The following ABCB1 variants were observed in gnomAD, a reference collection of about 807,000 sequenced individuals.
ABCB1 encodes ATP-dependent translocase ABCB1.
In ABCB1, 69 loss-of-function variants were observed where a neutral mutation model predicts 142.0. The ratio of observed to expected loss-of-function variants is 0.49; its 90% CI spans 0.40 to 0.59. The LOEUF (loss-of-function observed/expected upper bound fraction) is 0.59, where lower values mean the gene tolerates loss of function less well. ABCB1 is among the 20% of genes least tolerant of loss of function. ABCB1 has a pLI of 0.00. For synonymous variants in ABCB1, 532 were observed against 539.2 expected (o/e 0.99, Z 0.18); for missense variants, 1,326 against 1,554.7 (o/e 0.85, Z 2.47).
intron 1 of ABCB1, among the ~76,000 whole-genome samples, chr7:87,674,866 G>A (rs1306533936): frequency 2.6e-5 from 4 of 152,072 alleles, no homozygotes; most frequent in East Asian, 3.9e-4. Context: ...CAGGTCTGAC[G>A]GTCACCCTAA....
intron 22 of ABCB1, 147 bp from the exon 23 acceptor site, chr7:87,519,613 C>T (rs1256917062): frequency 2.3e-6 from 2 of 882,716 alleles, no homozygotes; most frequent in South Asian, 1.5e-5. Flanking sequence ...CCTCACTTTA[C>T]ACTTAACAGT....
chr7:87,561,822 C>CA (rs1817573222), intron 7 of ABCB1, among the ~76,000 whole-genome samples: 1 of 151,990 alleles, frequency 6.6e-6, no homozygotes, highest in South Asian at 2.1e-4. Context: ...CCCGCCTCTA[C>CA]AAAAAAATTA....
intron 1 of ABCB1, among the ~76,000 whole-genome samples, chr7:87,632,393 A>C (rs533582903): frequency 6.6e-6 from 1 of 152,284 alleles, no homozygotes; most frequent in Admixed American, 6.5e-5. Context: ...GTAATTCATT[A>C]GTTTTTTTTA....
chr7:87,546,871 C>T (rs187425068), intron 14 of ABCB1, among the ~76,000 whole-genome samples: 16 of 152,168 alleles, frequency 1.1e-4, no homozygotes, highest in Non-Finnish European at 1.8e-4. Flanking sequence ...TCAATTTATT[C>T]ATATGTAAAA....
intron 9 of ABCB1, 21 bp from the exon 10 acceptor site, chr7:87,550,859 C>G: frequency 6.7e-7 from 1 of 1,486,634 alleles, no homozygotes; most frequent in Non-Finnish European, 9.4e-7. Flanking sequence ...TGAAGAAAAA[C>G]CATCAGGCTA....
intron 27 of ABCB1, 30 bp from the exon 28 acceptor site, chr7:87,504,479 A>G (rs1431827629): frequency 1.2e-6 from 2 of 1,609,740 alleles, no homozygotes; most frequent in Non-Finnish European, 8.5e-7. Flanking sequence ...ATTAATTCTC[A>G]TAATAGTTCT....
intron 1 of ABCB1, among the ~76,000 whole-genome samples, chr7:87,649,801 G>T (rs752210194): frequency 2.0e-5 from 3 of 152,180 alleles, no homozygotes; most frequent in African/African-American, 7.2e-5. Flanking sequence ...TCATGGCAGC[G>T]GGCCTTTCCC....
intron 5 of ABCB1, among the ~76,000 whole-genome samples, chr7:87,567,716 A>T (rs1817836797): frequency 6.6e-6 from 1 of 152,244 alleles, no homozygotes; most frequent in Non-Finnish European, 1.5e-5. Context: ...GCATTAAAAA[A>T]CACGAGTATT....
intron 1 of ABCB1, among the ~76,000 whole-genome samples, chr7:87,677,526 G>A (rs1585075642): frequency 6.6e-6 from 1 of 152,072 alleles, no homozygotes; most frequent in Non-Finnish European, 1.5e-5. Context: ...CTGGGGGATA[G>A]GAGAAAAGGG....
chr7:87,617,035 T>C (rs1163068400), intron 1 of ABCB1, among the ~76,000 whole-genome samples: 1 of 152,202 alleles, frequency 6.6e-6, no homozygotes, highest in Non-Finnish European at 1.5e-5. Flanking sequence ...GGATACAAGT[T>C]GATTTGGGTT....
intron 1 of ABCB1, among the ~76,000 whole-genome samples, chr7:87,688,198 T>A (rs928912426): frequency 2.6e-5 from 4 of 152,098 alleles, no homozygotes; most frequent in African/African-American, 9.7e-5. Context: ...ATCGTATTCA[T>A]GTAATTCTCG....
chr7:87,704,159 G>T (rs554424720), intron 1 of ABCB1, among the ~76,000 whole-genome samples: 7 of 151,998 alleles, frequency 4.6e-5, no homozygotes, highest in Admixed American at 4.6e-4. Context: ...GAGTTCAAGT[G>T]ATCCGCCTGC....
rs1469878918 is a variant in ABCB1, at chr7:87,515,538, A to G, written c.3085-110T>C. 6.6e-6 allele frequency: 6 copies of G among 915,134 alleles called. No homozygotes were observed. In the East Asian group the frequency reaches 1.6e-4, roughly 24 times the overall value. 56.7% of individuals were successfully genotyped at this position (915,134 alleles called of 1,614,324 possible). On this transcript the variant is annotated intron_variant, in intron 24 of 27. Coordinates refer to ENST00000622132, the MANE Select transcript of ABCB1 (RefSeq NM_001348946.2). ...CAGAAGATAATTAATTTGTGTTACAATTGGCTTCACTTCAAACTGCTAGAA... is the reference window on the plus strand; with the variant it reads ...CAGAAGATAATTAATTTGTGTTACAGTTGGCTTCACTTCAAACTGCTAGAA...
At chr7:87,641,114 TATTAA>T (rs1373197511) in intron 1 of ABCB1, among the ~76,000 whole-genome samples, 1 of 152,216 alleles carries the variant, frequency 6.6e-6, no homozygotes, top group Admixed American at 6.5e-5. Flanking sequence ...ACACAATGTT[TATTAA>T]GTTATTTCTT....
At position 87,695,280 on chromosome 7, in the gene ABCB1, A is replaced by G. The variant is rs144398202; in HGVS notation, c.-331+17881T>C. On this transcript the variant is annotated intron_variant, in intron 1 of 28. Transcript: ENST00000265724. ...GTCTAATAAATATAAACCTCAACTA[A>G]TAATAGTACCTTTTTAAAGGAAAAG... 1.3e-4 allele frequency among the ~76,000 whole-genome samples: 20 copies of G among 152,242 alleles called. No individual in the cohort carries two copies. The East Asian group carries it at 3.7e-3, about 28-fold the overall frequency.
At chr7:87,701,726 A>T (rs1490654567) in intron 1 of ABCB1, among the ~76,000 whole-genome samples, 1 of 152,234 alleles carries the variant, frequency 6.6e-6, no homozygotes, top group Non-Finnish European at 1.5e-5. Context: ...CCAACCATAT[A>T]TCTGTGTGAA....
chr7:87,704,988 A>G (rs1014378109), intron 1 of ABCB1, among the ~76,000 whole-genome samples: 3 of 152,220 alleles, frequency 2.0e-5, no homozygotes, highest in African/African-American at 7.2e-5. Context: ...TTCAGACCAG[A>G]AGCACTAAAT....
At chr7:87,684,183 A>G (rs1827214979) in intron 1 of ABCB1, among the ~76,000 whole-genome samples, 1 of 152,224 alleles carries the variant, frequency 6.6e-6, no homozygotes, top group Admixed American at 6.5e-5. Flanking sequence ...GTTTCTCAAC[A>G]TTGATACTGT....
chr7:87,552,159 T>C (rs540690608), intron 9 of ABCB1, among the ~76,000 whole-genome samples: 1 of 152,346 alleles, frequency 6.6e-6, no homozygotes, highest in South Asian at 2.1e-4. Context: ...CCGTGTTCTC[T>C]TTAGGCCTTT....
Sources: allele counts gnomAD v4.1 joint callset (sites outside exome capture counted in the v4.1 genomes callset), GRCh38; gene constraint gnomAD v4.1.1; transcripts MANE v1.5; gene names NCBI Gene and HGNC (gene_info 2026-07-23, HGNC 2026-07-21).